Variants in SLC46A3 observed in about 807,000 individuals in gnomAD.
SLC46A3 encodes the protein solute carrier family 46 member 3, also known as lysosomal proton-coupled steroid conjugate and bile acid symporter SLC46A3.
A neutral mutation model predicts 38.5 loss-of-function variants in SLC46A3; 26 were observed. The observed-to-expected ratio is 0.68, with a 90% confidence interval of 0.49 to 0.94. The LOEUF (loss-of-function observed/expected upper bound fraction) is 0.94. Among genes scored for constraint, SLC46A3 ranks in the 40% least tolerant of loss-of-function variants. The pLI is 0.00. For synonymous variants in SLC46A3, 185 were observed against 192.5 expected, an observed-to-expected ratio of 0.96 and a Z score of 0.32; for missense variants, 510 against 544.3, an observed-to-expected ratio of 0.94 and a Z score of 0.63.
At chr13:28,703,811 A>G in intron 5 of SLC46A3, 132 bp downstream of exon 5, 1 of 693,146 alleles carries the variant, frequency 1.4e-6, no homozygotes, top group Non-Finnish European at 2.4e-6. Flanking sequence ...CGAGCACTTC[A>G]TGTCTAAAAG....
At chr13:28,713,574 A>T in intron 2 of SLC46A3, 24 bp from the exon 3 acceptor site, 2 of 1,587,984 alleles carry the variant, frequency 1.3e-6, no homozygotes, top group Non-Finnish European at 1.7e-6. Context: ...TAAAGAAGAC[A>T]ATGTGTTTAC....
Position 28,713,475 on chromosome 13 carries a change from A to C in SLC46A3, c.265T>G (p.Phe89Val). The change falls in exon 3 of 6, where the codon TTC (phenylalanine) becomes GTC (valine). Residue 89 changes from phenylalanine (F) to valine (V), a missense_variant. Transcript: ENST00000266943. The part of the protein sequence containing the change: ...SGLIPGLVST[F>V]ILLSISDHYG... ...TGATCACTAATAGACAAAAGTATGAATGTAGACACTAGACCAGGAATTAAT... is the reference window on the plus strand; with the variant it reads ...TGATCACTAATAGACAAAAGTATGACTGTAGACACTAGACCAGGAATTAAT... 6.2e-7 allele frequency: 1 copy of C among 1,614,152 alleles called. No homozygotes were observed. Among genetic ancestry groups the C allele is most frequent in the Non-Finnish European group, 8.5e-7 (1 of 1,179,972 alleles).
At chr13:28,701,677 T>A in intron 5 of SLC46A3, 96 bp from the exon 6 acceptor site, 1 of 1,116,266 alleles carries the variant, frequency 9.0e-7, no homozygotes, top group Non-Finnish European at 1.3e-6. Flanking sequence ...ACATAGCTTT[T>A]AATAAATTAT....
chr13:28,712,694 A>G lies in SLC46A3; in HGVS notation c.1046T>C (p.Leu349Pro), dbSNP rs144276771. ...MAMTAFASTT[L>P]MMFLARVPFL... ...TTGGAACTCACCTAAAAACATCATC[A>G]GTGTTGTACTGGCAAACGCGGTCAT... is the stretch of plus-strand genomic sequence containing the variant. The change falls in exon 3 of 6, where the codon CTG (leucine) becomes CCG (proline). Residue 349 changes from leucine to proline, a missense_variant. Leu to Pro is a moderately conservative substitution (Grantham distance 98). Transcript: ENST00000266943. 74 of 1,582,940 alleles carry G rather than the reference A, an allele frequency of 4.7e-5. No individual in the cohort carries two copies. Among genetic ancestry groups the G allele is most frequent in the Admixed American group, 5.9e-5 (3 of 51,264 alleles).
chr13:28,715,142 G>A (rs1293723066), intron 2 of SLC46A3, among the ~76,000 whole-genome samples: 7 of 152,304 alleles, frequency 4.6e-5, no homozygotes, highest in Non-Finnish European at 1.5e-5. Context: ...ACTCCAGCGT[G>A]GGTGGCAGGT....
Position 28,713,542 on chromosome 13 carries a change from C to G in SLC46A3, c.198G>C (p.Gln66His). Reference sequence around the variant, plus strand: ...GCAGATTAAAACGTGACACTTTTTTCTGAACTTCCTGCAAAGAAATATAAA... The same window carrying G: ...GCAGATTAAAACGTGACACTTTTTTGTGAACTTCCTGCAAAGAAATATAAA... Reference protein sequence around the residue: ...SPIFAFQEEVQKKVSRFNLQM... With the variant: ...SPIFAFQEEVHKKVSRFNLQM... Residue 66 changes from glutamine to histidine, a missense_variant, in exon 3 of 6, where the codon CAG becomes CAC. Physicochemically the swap from Gln to His is conservative, Grantham distance 24. Transcript: ENST00000266943. 6.2e-7 allele frequency: 1 copy of G among 1,600,170 alleles called. No individual in the cohort carries two copies. The highest frequency in any genetic ancestry group is 8.5e-7 in the Non-Finnish European group (1 of 1,171,170).
At position 28,700,830 on chromosome 13, in the gene SLC46A3, A is replaced by G. The variant is rs1013857436; in HGVS notation, c.*667T>C. On this transcript the variant is annotated 3_prime_UTR_variant, in exon 6 of 6. Coordinates refer to ENST00000266943, the MANE Select transcript of SLC46A3 (RefSeq NM_181785.4). ...AAACATATTAAGAAAAGTGAAAAATACATATTCTTTAAAGTGCCTCCCTTT... is the reference window on the plus strand; with the variant it reads ...AAACATATTAAGAAAAGTGAAAAATGCATATTCTTTAAAGTGCCTCCCTTT... 1 of 749,906 alleles carries G rather than the reference A, an allele frequency of 1.3e-6. No homozygotes were observed. Among genetic ancestry groups the G allele is most frequent in the African/African-American group, 1.8e-5 (1 of 55,226 alleles). The allele number at this position is 749,906 out of a possible 1,614,324, so 46.5% of individuals were successfully genotyped here. A position where few individuals can be genotyped will look rare whatever the true frequency, so the allele number is the denominator to read the frequency against.
In SLC46A3 at chr13:28,712,719, T is replaced by A; in HGVS notation, c.1021A>T (p.Met341Leu). ...GIFTTMTGMA[M>L]TAFASTTLMM... Reference sequence around the variant, plus strand: ...AGTGTTGTACTGGCAAACGCGGTCATAGCCATTCCTGTCATCGTGGTAAAA... The same window carrying A: ...AGTGTTGTACTGGCAAACGCGGTCAAAGCCATTCCTGTCATCGTGGTAAAA... Residue 341 changes from methionine (M) to leucine (L), a missense_variant, in exon 3 of 6, where the codon ATG (methionine) becomes TTG (leucine). Met to Leu is a conservative substitution (Grantham distance 15). Coordinates refer to ENST00000266943, the MANE Select transcript of SLC46A3 (RefSeq NM_181785.4). 6.2e-7 allele frequency: 1 copy of A among 1,607,670 alleles called. No homozygotes were observed. The highest frequency in any genetic ancestry group is 8.5e-7 in the Non-Finnish European group (1 of 1,178,428).
chr13:28,704,096 G>C lies in SLC46A3; in HGVS notation c.1148C>G (p.Thr383Ser). ...SKVVRSTEQGTLFACIAFLET... is the reference protein window; with the variant it reads ...SKVVRSTEQGSLFACIAFLET... ...TAAGAAAGCAATACAAGCAAACAGG[G>C]TACCTGTTTGGAGTAGGGATAGAGA... Residue 383 changes from threonine to serine, a missense_variant, in exon 5 of 6, where the codon ACC becomes AGC. Coordinates refer to ENST00000266943, the MANE Select transcript of SLC46A3 (RefSeq NM_181785.4). 1 of 1,609,762 alleles carries C rather than the reference G, an allele frequency of 6.2e-7. No individual in the cohort carries two copies. Among genetic ancestry groups the C allele is most frequent in the Non-Finnish European group, 8.5e-7 (1 of 1,178,020 alleles).
At chr13:28,706,632 G>A (rs565675696) in intron 4 of SLC46A3, among the ~76,000 whole-genome samples, 1 of 152,016 alleles carries the variant, frequency 6.6e-6, no homozygotes, top group African/African-American at 2.4e-5. Flanking sequence ...CACTGCTTTT[G>A]AACTCCTGGT....
chr13:28,706,439 T>G (rs1331615482), intron 4 of SLC46A3, among the ~76,000 whole-genome samples: 1 of 152,198 alleles, frequency 6.6e-6, no homozygotes, highest in East Asian at 1.9e-4. Flanking sequence ...ATTGTTTAGT[T>G]TGCAGTTAAG....
In SLC46A3 at chr13:28,712,711, C is replaced by A. The variant is rs374432817; in HGVS notation, c.1029G>T (p.Ala343=). Residue 343 remains alanine, a synonymous_variant, in exon 3 of 6, where the codon GCG becomes GCT. Transcript: ENST00000266943. ...FTTMTGMAMT[A]FASTTLMMFL... The stretch of plus-strand genomic sequence containing the variant: ...ACATCATCAGTGTTGTACTGGCAAA[C>A]GCGGTCATAGCCATTCCTGTCATCG... 1.4e-5 allele frequency: 23 copies of A among 1,602,802 alleles called. No individual in the cohort carries two copies. The highest frequency in any genetic ancestry group is 1.7e-5 in the Non-Finnish European group (20 of 1,177,100).
In SLC46A3 at chr13:28,704,051, G is replaced by C; in HGVS notation, c.1193C>G (p.Thr398Ser). 1 of 1,613,684 alleles carries C rather than the reference G, an allele frequency of 6.2e-7. No individual in the cohort carries two copies. The highest frequency in any genetic ancestry group is 8.5e-7 in the Non-Finnish European group (1 of 1,179,838). The change falls in exon 5 of 6, where the codon ACT (threonine) becomes AGT (serine). Residue 398 changes from threonine (T) to serine (S), a missense_variant. Transcript: ENST00000266943. ...IAFLETLGGV[T>S]AVSTFNGIYS... Reference sequence around the variant, plus strand: ...AATTCCATTAAAAGTAGAAACTGCAGTGACTCCTCCAAGTGTTTCTAAGAA... The same window carrying C: ...AATTCCATTAAAAGTAGAAACTGCACTGACTCCTCCAAGTGTTTCTAAGAA...
Position 28,700,128 on chromosome 13 carries a change from GT to G in SLC46A3, c.*1368del, listed in dbSNP as rs1884973950. The stretch of plus-strand genomic sequence containing the variant: ...AGGATATAATGAGTAATCAAAGGTT[GT>G]CCCAGTACTCAAGGCGATGATTGTC... On this transcript the variant is annotated 3_prime_UTR_variant, in exon 6 of 6. Coordinates refer to ENST00000266943, the MANE Select transcript of SLC46A3 (RefSeq NM_181785.4). 1 of 152,174 alleles carries G rather than the reference GT, an allele frequency of 6.6e-6. No homozygotes were observed. The highest frequency in any genetic ancestry group is 2.4e-5 in the African/African-American group (1 of 41,426). 9.4% of individuals were successfully genotyped at this position (152,174 alleles called of 1,614,324 possible).
chr13:28,717,019 T>C (rs1268693626), intron 2 of SLC46A3, among the ~76,000 whole-genome samples: 1 of 151,886 alleles, frequency 6.6e-6, no homozygotes, highest in African/African-American at 2.4e-5. Flanking sequence ...CAAACCTGGA[T>C]ACTATCTCTT....
At chr13:28,718,121 A>G in intron 1 of SLC46A3, 99 bp from the exon 2 acceptor site, 5 of 891,946 alleles carry the variant, frequency 5.6e-6, no homozygotes, top group Non-Finnish European at 8.5e-6. Flanking sequence ...GTAAATGTTT[A>G]AACAAGCAAA....
chr13:28,707,560 A>G (rs900935390), intron 4 of SLC46A3, among the ~76,000 whole-genome samples: 2 of 152,324 alleles, frequency 1.3e-5, no homozygotes, highest in South Asian at 4.1e-4. Context: ...AGTATAATAA[A>G]AAAAATTTTA....
intron 4 of SLC46A3, among the ~76,000 whole-genome samples, chr13:28,706,376 T>C (rs1426089213): frequency 6.6e-6 from 1 of 152,212 alleles, no homozygotes; most frequent in Non-Finnish European, 1.5e-5. Context: ...ATTTAAATAA[T>C]AATGAAGGAT....
intron 2 of SLC46A3, among the ~76,000 whole-genome samples, chr13:28,717,073 AC>A (rs1366486534): frequency 6.6e-6 from 1 of 152,066 alleles, no homozygotes; most frequent in Non-Finnish European, 1.5e-5. Flanking sequence ...TGCCCAAGGG[AC>A]CAGGAGAATG....
Sources: gnomAD v4.1 joint callset for allele counts (sites outside exome capture counted in the v4.1 genomes callset) on GRCh38, gnomAD v4.1.1 for gene constraint, MANE v1.5 for transcripts, NCBI Gene and HGNC (gene_info 2026-07-23, HGNC 2026-07-21) for gene names.